Variants in NELL1 observed in about 807,000 individuals in gnomAD.
NELL1 encodes neural EGFL like 1, also known as protein kinase C-binding protein NELL1.
A neutral mutation model predicts 107.4 loss-of-function variants in NELL1; 76 were observed. The ratio of observed to expected loss-of-function variants is 0.71; its 90% confidence interval spans 0.59 to 0.86. The LOEUF is 0.86. Ranked by LOEUF, NELL1 falls within the 40% of genes least tolerant of loss-of-function variation. NELL1 has a pLI of 0.00. For missense variants in NELL1, 1,024 were observed against 1,005.5 expected (o/e 1.02, Z -0.25); for synonymous variants, 353 against 341.2 (o/e 1.03, Z -0.38).
intron 15 of NELL1, among the ~76,000 whole-genome samples, chr11:21,513,007 C>G (rs1224275944): frequency 2.0e-5 from 3 of 152,094 alleles, no homozygotes; most frequent in African/African-American, 7.2e-5. Flanking sequence ...GCACCTATTT[C>G]CCTAATCAAA....
At chr11:21,173,066 C>T (rs1202542483) in intron 13 of NELL1, among the ~76,000 whole-genome samples, 3 of 151,790 alleles carry the variant, frequency 2.0e-5, no homozygotes, top group Non-Finnish European at 4.4e-5. Flanking sequence ...ATAGATCTCA[C>T]TATGGGATAT....
At chr11:21,511,931 G>C (rs1399543494) in intron 15 of NELL1, among the ~76,000 whole-genome samples, 1 of 152,180 alleles carries the variant, frequency 6.6e-6, no homozygotes, top group Non-Finnish European at 1.5e-5. Flanking sequence ...TATTGTGTAA[G>C]ATGCAAGCTG....
At chr11:21,499,718 G>T (rs1331073718) in intron 15 of NELL1, among the ~76,000 whole-genome samples, 1 of 152,066 alleles carries the variant, frequency 6.6e-6, no homozygotes, top group African/African-American at 2.4e-5. Context: ...ATTCAGTTTT[G>T]TCATGACTCT....
chr11:21,025,044 C>T (rs1852783447), intron 12 of NELL1, among the ~76,000 whole-genome samples: 1 of 152,050 alleles, frequency 6.6e-6, no homozygotes, highest in Admixed American at 6.6e-5. Flanking sequence ...ATGTCACTGT[C>T]CTCAAAGAGC....
At chr11:20,687,417 G>A (rs764108755) in intron 2 of NELL1, among the ~76,000 whole-genome samples, 3 of 151,696 alleles carry the variant, frequency 2.0e-5, no homozygotes, top group Non-Finnish European at 2.9e-5. Context: ...TGTTTATTGA[G>A]TTTTTGTAGT....
At chr11:20,966,680 C>T (rs143352036) in intron 12 of NELL1, among the ~76,000 whole-genome samples, 26 of 152,118 alleles carry the variant, frequency 1.7e-4, no homozygotes, top group Non-Finnish European at 2.8e-4. Flanking sequence ...ACTAACATGT[C>T]ATCTTCCTCC....
chr11:21,005,977 A>G (rs1036331866), intron 12 of NELL1, among the ~76,000 whole-genome samples: 2 of 151,736 alleles, frequency 1.3e-5, no homozygotes, highest in Admixed American at 6.6e-5. Flanking sequence ...AACTCACTTC[A>G]TCTCCTTTAA....
intron 13 of NELL1, among the ~76,000 whole-genome samples, chr11:21,136,378 T>C (rs1855744476): frequency 6.6e-6 from 1 of 152,194 alleles, no homozygotes; most frequent in South Asian, 2.1e-4. Flanking sequence ...GATATAATTA[T>C]GAATGTTTTG....
chr11:20,888,803 A>C (rs1190112462), intron 5 of NELL1, among the ~76,000 whole-genome samples: 1 of 152,138 alleles, frequency 6.6e-6, no homozygotes, highest in African/African-American at 2.4e-5. Flanking sequence ...GGATGATCTG[A>C]GAGCCTCTTC....
chr11:21,107,638 TC>T (rs1855001818), intron 12 of NELL1, among the ~76,000 whole-genome samples: 1 of 152,100 alleles, frequency 6.6e-6, no homozygotes, highest in African/African-American at 2.4e-5. Context: ...TGGACCTGTA[TC>T]TTGGGAAAGG....
chr11:21,269,753 T>C (rs2133933126), intron 14 of NELL1, among the ~76,000 whole-genome samples: 1 of 151,480 alleles, frequency 6.6e-6, no homozygotes, highest in South Asian at 2.1e-4. Context: ...AGAAAGAGCA[T>C]CAGCGAAAGA....
chr11:21,378,290 A>G (rs1851527726), intron 15 of NELL1, among the ~76,000 whole-genome samples: 1 of 149,680 alleles, frequency 6.7e-6, no homozygotes, highest in African/African-American at 2.4e-5. Context: ...TATATATTAT[A>G]GATAATCATG....
rs34217279 is a variant in NELL1, at chr11:21,399,812, A to T, written c.1645+28864A>T. On this transcript the variant is annotated intron_variant, in intron 15 of 19. Transcript: ENST00000357134. ...ATTTGTGAAAGCTATGATACCGATG[A>T]TGGAAAATAACGGCGATGCTGCTGA... Among the ~76,000 whole-genome samples the T allele has an allele frequency of 9.9e-3, 1,500 of 151,860 alleles. 22 individuals are homozygous for T. The highest frequency in any genetic ancestry group is 0.034 in the African/African-American group (1,400 of 41,492).
Position 21,161,718 on chromosome 11 carries a change from T to G in NELL1, c.1426+48004T>G, listed in dbSNP as rs987127797. 3.3e-5 allele frequency among the ~76,000 whole-genome samples: 5 copies of G among 152,150 alleles called. No homozygotes were observed. In the South Asian group the frequency reaches 1.0e-3, roughly 32 times the overall value. On this transcript the variant is annotated intron_variant, in intron 13 of 19. Coordinates refer to ENST00000357134, the MANE Select transcript of NELL1 (RefSeq NM_006157.5). ...TTTTAATAGTACATTTTATTTAATC[T>G]ACTATATCCTAAATATCATTTCAAC...
chr11:21,149,093 G>A (rs941881987), intron 13 of NELL1, among the ~76,000 whole-genome samples: 14 of 152,214 alleles, frequency 9.2e-5, no homozygotes, highest in South Asian at 2.1e-4. Flanking sequence ...AAGGGAGACC[G>A]CAAAATATAA....
intron 15 of NELL1, among the ~76,000 whole-genome samples, chr11:21,403,195 A>G (rs571462794): frequency 7.9e-5 from 12 of 151,826 alleles, no homozygotes; most frequent in African/African-American, 2.4e-4. Flanking sequence ...TAGGAATTCA[A>G]TCTTTACTGT....
intron 15 of NELL1, among the ~76,000 whole-genome samples, chr11:21,525,409 CTTGT>C (rs1418927998): frequency 2.6e-5 from 4 of 152,146 alleles, no homozygotes; most frequent in Admixed American, 6.6e-5. Flanking sequence ...CTTATTGGAA[CTTGT>C]TTGTGAGGCA....
In NELL1 at chr11:20,790,359, G is replaced by A. The variant is rs912121251; in HGVS notation, c.335+6529G>A. Among the ~76,000 whole-genome samples the A allele has an allele frequency of 2.0e-5, 3 of 152,246 alleles. No homozygotes were observed. In the South Asian group the frequency reaches 6.2e-4, roughly 31 times the overall value. ...GGCTGGTGTGTCAGCACTGCCCTGA[G>A]TATGTGCACACCCAGCCAGGCTGTG... On this transcript the variant is annotated intron_variant, in intron 3 of 19. Coordinates refer to ENST00000357134, the MANE Select transcript of NELL1 (RefSeq NM_006157.5).
At chr11:21,040,614 A>C (rs1296037955) in intron 12 of NELL1, among the ~76,000 whole-genome samples, 1 of 152,132 alleles carries the variant, frequency 6.6e-6, no homozygotes, top group Non-Finnish European at 1.5e-5. Context: ...CTGCTTGGAC[A>C]CTGGATTTTC....
Sources: gnomAD v4.1 joint callset for allele counts (sites outside exome capture counted in the v4.1 genomes callset) on GRCh38, gnomAD v4.1.1 for gene constraint, MANE v1.5 for transcripts, NCBI Gene and HGNC (gene_info 2026-07-23, HGNC 2026-07-21) for gene names.